The following PDE9A variants were observed in gnomAD, a reference collection of about 807,000 sequenced individuals.
PDE9A encodes the protein high affinity cGMP-specific 3',5'-cyclic phosphodiesterase 9A.
A neutral mutation model predicts 87.4 loss-of-function variants in PDE9A; 60 were observed. That is an observed-to-expected ratio of 0.69 (90% CI 0.56 to 0.85). The LOEUF (loss-of-function observed/expected upper bound fraction) is 0.85, where lower values mean the gene tolerates loss of function less well. Ranked by LOEUF, PDE9A falls within the 40% of genes least tolerant of loss-of-function variation. The pLI is 0.00. For synonymous variants in PDE9A, 272 were observed against 279.4 expected, an observed-to-expected ratio of 0.97 and a Z score of 0.27; for missense variants, 665 against 779.0, an observed-to-expected ratio of 0.85 and a Z score of 1.74.
chr21:42,742,684 C>G (rs2053442730), intron 7 of PDE9A, among the ~76,000 whole-genome samples: 1 of 152,028 alleles, frequency 6.6e-6, no homozygotes, highest in African/African-American at 2.4e-5. Context: ...CCAGGCTGGT[C>G]TTGAACTCCT....
At chr21:42,665,392 T>C (rs752950642) in intron 1 of PDE9A, among the ~76,000 whole-genome samples, 13 of 152,096 alleles carry the variant, frequency 8.5e-5, no homozygotes, top group Non-Finnish European at 1.8e-4. Flanking sequence ...TCTGAGGGAC[T>C]GGTTGGCTCT....
chr21:42,711,763 T>C (rs1023788649), intron 4 of PDE9A, among the ~76,000 whole-genome samples: 1 of 152,190 alleles, frequency 6.6e-6, no homozygotes, highest in African/African-American at 2.4e-5. Context: ...AGACTGCCAT[T>C]CATTTTCTTC....
intron 1 of PDE9A, among the ~76,000 whole-genome samples, chr21:42,655,729 C>T (rs773780892): frequency 1.4e-4 from 22 of 152,224 alleles, no homozygotes; most frequent in Non-Finnish European, 2.1e-4. Flanking sequence ...CTGCAGAACA[C>T]GATGAGCATT....
intron 4 of PDE9A, among the ~76,000 whole-genome samples, chr21:42,712,095 A>C (rs1451225646): frequency 8.3e-6 from 1 of 120,908 alleles, no homozygotes. Context: ...TATGACTTTG[A>C]TTACTATTTT....
At chr21:42,681,354 G>A (rs2059154348) in intron 1 of PDE9A, among the ~76,000 whole-genome samples, 1 of 152,254 alleles carries the variant, frequency 6.6e-6, no homozygotes, top group African/African-American at 2.4e-5. Flanking sequence ...GGGAGTCAGT[G>A]TATGCTGTGA....
chr21:42,712,161 C>G (rs189502969), intron 4 of PDE9A, among the ~76,000 whole-genome samples: 4 of 152,168 alleles, frequency 2.6e-5, no homozygotes, highest in Admixed American at 1.3e-4. Flanking sequence ...TCTTCCAACC[C>G]ATGAACATGA....
intron 4 of PDE9A, among the ~76,000 whole-genome samples, chr21:42,719,092 G>A (rs547176878): frequency 2.8e-4 from 42 of 151,836 alleles, no homozygotes; most frequent in African/African-American, 9.9e-4. Context: ...CTCCTCCACA[G>A]CAGGAGCTGA....
rs1192389891 is a variant in PDE9A, at chr21:42,770,800, TA to T, written c.1686+6del. The T allele has an allele frequency of 6.2e-7, 1 of 1,608,610 alleles. No individual in the cohort carries two copies. The highest frequency in any genetic ancestry group is 1.1e-5 in the South Asian group (1 of 90,942). On this transcript the variant is annotated splice_donor_region_variant and intron_variant, in intron 18 of 19. Coordinates refer to ENST00000291539, the MANE Select transcript of PDE9A (RefSeq NM_002606.3). The stretch of plus-strand genomic sequence containing the variant: ...CGGATAGATGACGCCATGAAAGAGG[TA>T]AAACACACTGAGAAGAGCCTGCCTT...
At chr21:42,679,367 C>T (rs978831325) in intron 1 of PDE9A, among the ~76,000 whole-genome samples, 5 of 145,460 alleles carry the variant, frequency 3.4e-5, no homozygotes, top group South Asian at 2.5e-4. Context: ...ACTGAAATCA[C>T]GCCTCGCGTT....
At chr21:42,656,931 T>C (rs2057117420) in intron 1 of PDE9A, among the ~76,000 whole-genome samples, 1 of 152,230 alleles carries the variant, frequency 6.6e-6, no homozygotes, top group African/African-American at 2.4e-5. Context: ...GATTGCCTGG[T>C]CAATGAGCCC....
intron 4 of PDE9A, among the ~76,000 whole-genome samples, chr21:42,717,418 G>A (rs2050045383): frequency 6.9e-6 from 1 of 145,360 alleles, no homozygotes; most frequent in African/African-American, 2.5e-5. Flanking sequence ...AGCCTCCCAA[G>A]TACCTGGGAT....
Position 42,670,824 on chromosome 21 carries a change from C to T in PDE9A, c.70-15368C>T, listed in dbSNP as rs546270556. Among the ~76,000 whole-genome samples, 144 of 152,240 alleles carry T rather than the reference C, an allele frequency of 9.5e-4. 2 individuals carry two copies. Among genetic ancestry groups the T allele is most frequent in the Non-Finnish European group, 1.4e-3 (95 of 68,026 alleles). ...ACTCACACATACATTCACACACACA[C>T]GGATGCATTAGTTTTCAAGTCAGGA... On this transcript the variant is annotated intron_variant, in intron 1 of 19. Transcript: ENST00000291539.
chr21:42,725,923 T>C (rs2050986089), intron 4 of PDE9A, among the ~76,000 whole-genome samples: 1 of 152,226 alleles, frequency 6.6e-6, no homozygotes, highest in African/African-American at 2.4e-5. Context: ...GTTTTCAGAA[T>C]GACTGTACCA....
At chr21:42,754,173 C>T (rs2054758926) in intron 10 of PDE9A, 109 bp downstream of exon 10, 2 of 584,176 alleles carry the variant, frequency 3.4e-6, no homozygotes, top group African/African-American at 2.1e-5. Flanking sequence ...TTTTCCTCTT[C>T]TTTTTAAAGA....
chr21:42,743,346 G>A (rs1241804783), intron 7 of PDE9A, among the ~76,000 whole-genome samples: 2 of 152,242 alleles, frequency 1.3e-5, no homozygotes. Context: ...TGCTGAAAAC[G>A]CTTTGCCGTT....
chr21:42,670,640 CAAA>C (rs1417623031), intron 1 of PDE9A, among the ~76,000 whole-genome samples: 1 of 151,786 alleles, frequency 6.6e-6, no homozygotes, highest in East Asian at 1.9e-4. Flanking sequence ...CATACACTTA[CAAA>C]CTATCATTCA....
intron 4 of PDE9A, among the ~76,000 whole-genome samples, chr21:42,718,725 G>A (rs1026211114): frequency 2.0e-5 from 3 of 151,820 alleles, no homozygotes; most frequent in Non-Finnish European, 4.4e-5. Context: ...CTGCATTAAA[G>A]TCTCGTTTGC....
chr21:42,687,192 A>T (rs926017894), intron 2 of PDE9A, among the ~76,000 whole-genome samples: 1 of 152,222 alleles, frequency 6.6e-6, no homozygotes, highest in African/African-American at 2.4e-5. Context: ...GGGCAATTGA[A>T]GTTTCTCACA....
chr21:42,744,872 G>A (rs2053677306), intron 8 of PDE9A, among the ~76,000 whole-genome samples: 1 of 152,212 alleles, frequency 6.6e-6, no homozygotes, highest in Non-Finnish European at 1.5e-5. Context: ...GTGTGCGGGC[G>A]CTGTGCTTAG....
Sources: allele counts gnomAD v4.1 joint callset (sites outside exome capture counted in the v4.1 genomes callset), GRCh38; gene constraint gnomAD v4.1.1; transcripts MANE v1.5; gene names NCBI Gene and HGNC (gene_info 2026-07-23, HGNC 2026-07-21).